Variants in DTNA observed in about 807,000 individuals in gnomAD.
The protein encoded by DTNA is dystrobrevin alpha.
A neutral mutation model predicts 100.7 loss-of-function variants in DTNA; 43 were observed. That is an observed-to-expected ratio of 0.43 (90% CI 0.33 to 0.55). DTNA has a LOEUF of 0.55. DTNA is among the 20% of genes least tolerant of loss of function. DTNA has a pLI of 0.04. For synonymous variants in DTNA, 349 were observed against 347.9 expected (o/e 1.00, Z -0.04); for missense variants, 798 against 953.9 (o/e 0.84, Z 2.15).
intron 14 of DTNA, among the ~76,000 whole-genome samples, chr18:34,849,764 C>A (rs1320756537): frequency 6.6e-6 from 1 of 152,186 alleles, no homozygotes; most frequent in Non-Finnish European, 1.5e-5. Context: ...ATGCATGTTC[C>A]TTCTGACAGC....
chr18:34,771,359 C>T (rs548684521), intron 3 of DTNA, among the ~76,000 whole-genome samples: 121 of 151,978 alleles, frequency 8.0e-4, no homozygotes, highest in Middle Eastern at 3.4e-3. Context: ...ATTAGCGGGG[C>T]GTGGTGGCGG....
At chr18:34,614,764 A>G (rs1321718812) in intron 1 of DTNA, among the ~76,000 whole-genome samples, 1 of 152,250 alleles carries the variant, frequency 6.6e-6, no homozygotes, top group Non-Finnish European at 1.5e-5. Flanking sequence ...AAGTGGTTTC[A>G]TGAGATAGAA....
chr18:34,616,670 T>C lies in DTNA; in HGVS notation c.-2+123156T>C, dbSNP rs139617985. On this transcript the variant is annotated intron_variant, in intron 1 of 19. Coordinates refer to the DTNA transcript ENST00000283365. ...TTTTCAGTTATGTGAACAATGTCAT[T>C]AATAGTTTGATAGGAATAGCATTGA... Among the ~76,000 whole-genome samples, 792 of 152,262 alleles carry C rather than the reference T, an allele frequency of 5.2e-3. 8 individuals carry two copies. The highest frequency in any genetic ancestry group is 0.018 in the African/African-American group (753 of 41,520).
At chr18:34,785,706 C>T in intron 3 of DTNA, among the ~76,000 whole-genome samples, 1 of 151,962 alleles carries the variant, frequency 6.6e-6, no homozygotes, top group East Asian at 1.9e-4. Flanking sequence ...TTTTTATATG[C>T]CAATTGAATA....
chr18:34,716,037 C>A (rs890813675), intron 1 of DTNA, among the ~76,000 whole-genome samples: 1 of 152,076 alleles, frequency 6.6e-6, no homozygotes, highest in South Asian at 2.1e-4. Flanking sequence ...TAGCAGTGTA[C>A]ACTGGGTGCA....
In DTNA at chr18:34,875,395, C is replaced by A; in HGVS notation, c.1900C>A (p.Gln634Lys). The A allele has an allele frequency of 6.2e-7, 1 of 1,614,152 alleles. No individual in the cohort carries two copies. The highest frequency in any genetic ancestry group is 8.5e-7 in the Non-Finnish European group (1 of 1,180,044). ...GGGAGATGTACAAGAGGCATTTGCACAAAGTAAGTGGCTTTATTTTTTGTT... is the reference window on the plus strand; with the variant it reads ...GGGAGATGTACAAGAGGCATTTGCAAAAAGTAAGTGGCTTTATTTTTTGTT... ...VGGDVQEAFAQSSRRNLRNDL... is the reference protein window; with the variant it reads ...VGGDVQEAFAKSSRRNLRNDL... The change falls in exon 18 of 23, where the codon CAA (glutamine) becomes AAA (lysine). Residue 634 changes from glutamine (Q) to lysine (K), a missense_variant. By Grantham distance (53) the Gln-to-Lys change is moderately conservative. Around this residue, in one of 6 missense-constraint regions of DTNA, gnomAD observed 242 missense variants for 238.2 expected, o/e 1.02. Coordinates refer to ENST00000444659, the MANE Select transcript of DTNA (RefSeq NM_001386795.1).
rs900262685 is a variant in DTNA at position 34,603,843 on chromosome 18, C to G, written c.-2+110329C>G. Among the ~76,000 whole-genome samples, 6 of 152,230 alleles carry G rather than the reference C, an allele frequency of 3.9e-5. No homozygotes were observed. The South Asian group carries it at 1.2e-3, about 32-fold the overall frequency. Reference sequence around the variant, plus strand: ...AGGTCATCTTCAACTTCAACATCTTCAACTTCTTTTTCTTGGTAGTTTTTC... The same window carrying G: ...AGGTCATCTTCAACTTCAACATCTTGAACTTCTTTTTCTTGGTAGTTTTTC... On this transcript the variant is annotated intron_variant, in intron 1 of 19. Transcript: ENST00000283365.
intron 1 of DTNA, among the ~76,000 whole-genome samples, chr18:34,572,046 G>C (rs2047640507): frequency 6.6e-6 from 1 of 152,128 alleles, no homozygotes; most frequent in African/African-American, 2.4e-5. Flanking sequence ...AATTCAGTCA[G>C]TTATCTTAAT....
intron 16 of DTNA, among the ~76,000 whole-genome samples, chr18:34,863,341 A>G (rs933141912): frequency 6.6e-5 from 10 of 152,342 alleles, no homozygotes; most frequent in African/African-American, 2.2e-4. Flanking sequence ...ATTAAGCATG[A>G]ACCTTATATA....
At chr18:34,772,626 C>T (rs906127602) in intron 3 of DTNA, among the ~76,000 whole-genome samples, 1 of 152,152 alleles carries the variant, frequency 6.6e-6, no homozygotes, top group Admixed American at 6.5e-5. Flanking sequence ...CATTTTTCTT[C>T]CAACTAGTGT....
At chr18:34,816,298 A>T (rs2095596051) in intron 7 of DTNA, among the ~76,000 whole-genome samples, 1 of 152,172 alleles carries the variant, frequency 6.6e-6, no homozygotes, top group African/African-American at 2.4e-5. Context: ...TTCAACAAGG[A>T]GTGTGACATT....
intron 1 of DTNA, among the ~76,000 whole-genome samples, chr18:34,641,020 TTTA>T (rs1302757036): frequency 6.6e-6 from 1 of 152,164 alleles, no homozygotes; most frequent in African/African-American, 2.4e-5. Flanking sequence ...GGGTAAAGAC[TTTA>T]TTATTAATCA....
intron 11 of DTNA, among the ~76,000 whole-genome samples, chr18:34,834,139 A>G (rs2096078455): frequency 6.6e-6 from 1 of 152,158 alleles, no homozygotes; most frequent in Non-Finnish European, 1.5e-5. Flanking sequence ...GCCACACATC[A>G]TTACTGTTTT....
chr18:34,731,251 G>A lies in DTNA; in HGVS notation c.-2+20806G>A, dbSNP rs538566603. ...TCCCAGCACTTTGGGAGGCCGAGGC[G>A]GGTGGATCATGAGGTCAGGAGATCG... On this transcript the variant is annotated intron_variant, in intron 1 of 22. Transcript: ENST00000444659. 9.2e-5 allele frequency among the ~76,000 whole-genome samples: 14 copies of A among 151,838 alleles called. No individual in the cohort carries two copies. In the East Asian group the frequency reaches 1.6e-3, roughly 17 times the overall value.
chr18:34,844,907 A>G (rs2096349020), intron 13 of DTNA, among the ~76,000 whole-genome samples: 1 of 152,112 alleles, frequency 6.6e-6, no homozygotes, highest in Non-Finnish European at 1.5e-5. Flanking sequence ...ATCACTGGCA[A>G]CAGACACTGG....
Position 34,626,819 on chromosome 18 carries a change from G to A in DTNA, c.-1-129157G>A, listed in dbSNP as rs1285471222. On this transcript the variant is annotated intron_variant, in intron 1 of 19. Coordinates refer to the DTNA transcript ENST00000283365. ...TGTCACATGTGGACATAGATGATGAGGGTTTATATCCAGATATTATTTATT... is the reference window on the plus strand; with the variant it reads ...TGTCACATGTGGACATAGATGATGAAGGTTTATATCCAGATATTATTTATT... 3.3e-5 allele frequency among the ~76,000 whole-genome samples: 5 copies of A among 152,298 alleles called. No homozygotes were observed. The South Asian group carries it at 8.3e-4, about 25-fold the overall frequency.
chr18:34,770,344 A>C (rs2093702749), intron 3 of DTNA, among the ~76,000 whole-genome samples: 1 of 152,220 alleles, frequency 6.6e-6, no homozygotes, highest in South Asian at 2.1e-4. Flanking sequence ...TTGTAAAACT[A>C]TCACCTAGAA....
intron 1 of DTNA, among the ~76,000 whole-genome samples, chr18:34,557,323 G>A (rs578186522): frequency 1.4e-5 from 2 of 145,884 alleles, no homozygotes; most frequent in Admixed American, 6.7e-5. Context: ...ATGTCCTCCT[G>A]TAGCTCAGAG....
intron 1 of DTNA, among the ~76,000 whole-genome samples, chr18:34,691,711 A>G (rs1455504385): frequency 6.6e-6 from 1 of 152,134 alleles, no homozygotes; most frequent in African/African-American, 2.4e-5. Flanking sequence ...TTCCTAAGCC[A>G]TGCTCTTTGT....
Sources: allele counts gnomAD v4.1 joint callset (sites outside exome capture counted in the v4.1 genomes callset), GRCh38; gene constraint gnomAD v4.1.1; regional missense constraint gnomAD v4.1.1; transcripts MANE v1.5; gene names NCBI Gene and HGNC (gene_info 2026-07-23, HGNC 2026-07-21).